SETD2: variants seen among roughly 807,000 people sequenced by gnomAD.
SETD2 encodes the protein histone-lysine N-methyltransferase SETD2.
A neutral mutation model predicts 242.1 loss-of-function variants in SETD2; 31 were observed. The observed-to-expected ratio is 0.13, with a 90% CI of 0.10 to 0.17. SETD2 has a LOEUF of 0.17. SETD2 is among the 10% of genes least tolerant of loss of function. SETD2 has a pLI of 1.00. For synonymous variants in SETD2, 1,006 were observed against 1,066.5 expected (o/e 0.94, Z 1.11); for missense variants, 2,481 against 3,046.3 (o/e 0.81, Z 4.37).
At chr3:47,153,103 T>A (rs1220211066) in intron 1 of SETD2, among the ~76,000 whole-genome samples, 1 of 151,688 alleles carries the variant, frequency 6.6e-6, no homozygotes, top group Non-Finnish European at 1.5e-5. Flanking sequence ...GAGGATCACT[T>A]GAGACCAAGA....
chr3:47,074,260 ATCTC>A (rs1418760436), intron 12 of SETD2, among the ~76,000 whole-genome samples: 1 of 152,230 alleles, frequency 6.6e-6, no homozygotes, highest in Non-Finnish European at 1.5e-5. Context: ...TGCATAAATT[ATCTC>A]TGGAAAGCTA....
intron 1 of SETD2, among the ~76,000 whole-genome samples, chr3:47,149,885 A>G (rs938946831): frequency 6.6e-5 from 10 of 152,294 alleles, no homozygotes; most frequent in Middle Eastern, 3.4e-3. Flanking sequence ...TACAGTTAGA[A>G]ACTGACAGAC....
At chr3:47,032,773 G>A (rs979546527) in intron 18 of SETD2, among the ~76,000 whole-genome samples, 3 of 151,950 alleles carry the variant, frequency 2.0e-5, no homozygotes, top group South Asian at 2.1e-4. Flanking sequence ...TCAGCCAGGC[G>A]TGGTGGCAGG....
rs754300919 is a variant in SETD2, at chr3:47,057,211, T to C, written c.6573A>G (p.Thr2191=). The C allele has an allele frequency of 4.3e-6, 7 of 1,614,176 alleles. No individual in the cohort carries two copies. Among genetic ancestry groups the C allele is most frequent in the Non-Finnish European group, 5.9e-6 (7 of 1,180,026 alleles). The change falls in exon 15 of 21, where the codon ACA becomes ACG. Residue 2191 remains threonine (T), a synonymous_variant. Coordinates refer to ENST00000409792, the MANE Select transcript of SETD2 (RefSeq NM_014159.7). Reference sequence around the variant, plus strand: ...GAGAACACACTGGGTCCATGCTGGGTGTGGGCAGGAGCACCTTTCCAGCAT... The same window carrying C: ...GAGAACACACTGGGTCCATGCTGGGCGTGGGCAGGAGCACCTTTCCAGCAT... ...NPNAGKVLLP[T]PSMDPVCSPA...
intron 13 of SETD2, among the ~76,000 whole-genome samples, 188 bp from the exon 14 acceptor site, chr3:47,062,534 T>C (rs2040384441): frequency 6.6e-6 from 1 of 152,226 alleles, no homozygotes; most frequent in Non-Finnish European, 1.5e-5. Context: ...GTGTTCACTC[T>C]ACTCACTAAA....
chr3:47,019,714 A>C lies in SETD2; in HGVS notation c.7431+46T>G. ...CTTAGGACAAGAAATGAAAGGGTTC[A>C]GATTTAAGCCTGAGGAGCTTAGTGC... is the stretch of plus-strand genomic sequence containing the variant. On this transcript the variant is annotated intron_variant, in intron 19 of 20. Coordinates refer to ENST00000409792, the MANE Select transcript of SETD2 (RefSeq NM_014159.7). The C allele has an allele frequency of 2.7e-6, 4 of 1,486,626 alleles. No individual in the cohort carries two copies. In the South Asian group the frequency reaches 4.5e-5, roughly 17 times the overall value. 92.1% of individuals were successfully genotyped at this position (1,486,626 alleles called of 1,614,324 possible). A position where few individuals can be genotyped will look rare whatever the true frequency, so the allele number is the denominator to read the frequency against.
At chr3:47,158,111 C>T in intron 1 of SETD2, among the ~76,000 whole-genome samples, 1 of 152,084 alleles carries the variant, frequency 6.6e-6, no homozygotes, top group East Asian at 1.9e-4. Context: ...TTTTGGCAAT[C>T]TAATGAAGCT....
rs2107588499 is a variant in SETD2, at chr3:47,062,167, C to A, written c.6289G>T (p.Asp2097Tyr). The A allele has an allele frequency of 6.2e-7, 1 of 1,613,000 alleles. No individual in the cohort carries two copies. The highest frequency in any genetic ancestry group is 1.1e-5 in the South Asian group (1 of 90,906). The change falls in exon 14 of 21, where the codon GAC (aspartate) becomes TAC (tyrosine). Residue 2097 changes from aspartate to tyrosine, a missense_variant. Asp to Tyr is a radical substitution (Grantham distance 160, BLOSUM62 -3). Transcript: ENST00000409792. ...AAACTCACACAGGCCACTTACCTGTCATCTGGCCTTTTTGTTCCCCGCTCA... is the reference window on the plus strand; with the variant it reads ...AAACTCACACAGGCCACTTACCTGTAATCTGGCCTTTTTGTTCCCCGCTCA... ...AYERGTKRPD[D>Y]RYDTPTSKKK... is the part of the protein sequence containing the mutation.
chr3:47,129,151 G>C (rs752367544), intron 1 of SETD2, among the ~76,000 whole-genome samples: 5 of 152,028 alleles, frequency 3.3e-5, no homozygotes, highest in Non-Finnish European at 7.4e-5. Context: ...TTGTTTGACA[G>C]AAATGACAAG....
intron 18 of SETD2, among the ~76,000 whole-genome samples, chr3:47,029,470 C>T (rs945119450): frequency 2.8e-5 from 4 of 145,184 alleles, no homozygotes; most frequent in African/African-American, 7.5e-5. Context: ...TATTAAAACA[C>T]ACAAATAAAA....
At chr3:47,065,584 A>C (rs2040525054) in intron 13 of SETD2, among the ~76,000 whole-genome samples, 1 of 152,098 alleles carries the variant, frequency 6.6e-6, no homozygotes, top group African/African-American at 2.4e-5. Context: ...GCACTTAAGG[A>C]CAAGAGTTCA....
intron 13 of SETD2, 75 bp from the exon 14 acceptor site, chr3:47,062,421 T>TG (rs1340678802): frequency 7.8e-7 from 1 of 1,284,638 alleles, no homozygotes; most frequent in Non-Finnish European, 1.1e-6. Flanking sequence ...ATCATGACAA[T>TG]GTATCAACTG....
intron 13 of SETD2, among the ~76,000 whole-genome samples, chr3:47,063,385 G>A (rs2107592893): frequency 6.6e-6 from 1 of 152,226 alleles, no homozygotes; most frequent in South Asian, 2.1e-4. Flanking sequence ...GCTGAGGCAG[G>A]AAGACTGCTT....
At position 47,123,810 on chromosome 3, in the gene SETD2, C is replaced by T. The variant is rs2106712830; in HGVS notation, c.826G>A (p.Asp276Asn). Residue 276 changes from aspartate to asparagine, a missense_variant, in exon 3 of 21, where the codon GAT becomes AAT. By Grantham distance (23) the Asp-to-Asn change is conservative (BLOSUM62 1). This residue lies in a region of SETD2 where 334 missense variants were observed against 374.5 expected (regional missense o/e 0.89). Transcript: ENST00000409792. ...HVTQILNEQADISSKKEDSHI... is the reference protein window; with the variant it reads ...HVTQILNEQANISSKKEDSHI... Reference sequence around the variant, plus strand: ...GAATCTTCTTTTTTTGAGGAAATATCTGCTTGCTCATTCAATATTTGAGTT... The same window carrying T: ...GAATCTTCTTTTTTTGAGGAAATATTTGCTTGCTCATTCAATATTTGAGTT... 1 of 1,548,192 alleles carries T rather than the reference C, an allele frequency of 6.5e-7. No individual in the cohort carries two copies. Among genetic ancestry groups the T allele is most frequent in the Non-Finnish European group, 8.7e-7 (1 of 1,145,160 alleles).
intron 13 of SETD2, among the ~76,000 whole-genome samples, chr3:47,062,793 T>A (rs1002334541): frequency 2.0e-5 from 3 of 152,296 alleles, no homozygotes; most frequent in South Asian, 4.1e-4. Flanking sequence ...AAGTTTATTT[T>A]TTTTTTTAAA....
At chr3:47,078,387 C>T (rs2041182917) in intron 12 of SETD2, among the ~76,000 whole-genome samples, 1 of 151,688 alleles carries the variant, frequency 6.6e-6, no homozygotes, top group South Asian at 2.1e-4. Flanking sequence ...GGGTATTCTA[C>T]AAAAATTCAA....
rs1575676238 is a variant in SETD2 at position 47,042,554 on chromosome 3, C to T, written c.7238+7G>A. 2 of 1,613,972 alleles carry T rather than the reference C, an allele frequency of 1.2e-6. No individual in the cohort carries two copies. Among genetic ancestry groups the T allele is most frequent in the Non-Finnish European group, 1.7e-6 (2 of 1,179,934 alleles). On this transcript the variant is annotated splice_region_variant and intron_variant, in intron 17 of 20. Transcript: ENST00000409792. ...AGACATGGGAACGCCCATACAGCTC[C>T]TCTTACCTTGTGATCACATGGTAGT...
chr3:47,025,797 C>T (rs115622679), intron 18 of SETD2, among the ~76,000 whole-genome samples: 245 of 152,230 alleles, frequency 1.6e-3, no homozygotes, highest in African/African-American at 5.6e-3. Flanking sequence ...TAGCAATTAC[C>T]CCACTGTATT....
At chr3:47,036,995 T>G (rs1465145873) in intron 18 of SETD2, among the ~76,000 whole-genome samples, 1 of 145,794 alleles carries the variant, frequency 6.9e-6, no homozygotes, top group Non-Finnish European at 1.5e-5. Flanking sequence ...TGGCCATATA[T>G]CTCCCTCAAA....
Sources: gnomAD v4.1 joint callset for allele counts (sites outside exome capture counted in the v4.1 genomes callset) on GRCh38, gnomAD v4.1.1 for gene constraint, gnomAD v4.1.1 regional missense constraint, MANE v1.5 for transcripts, NCBI Gene and HGNC (gene_info 2026-07-23, HGNC 2026-07-21) for gene names.